The following LIPE variants were observed in gnomAD, a reference collection of about 807,000 sequenced individuals.
The protein encoded by LIPE is hormone-sensitive lipase.
LIPE carries 66 observed loss-of-function variants against 88.5 expected under a neutral mutation model. The observed-to-expected ratio is 0.75, with a 90% CI of 0.61 to 0.91. The LOEUF (loss-of-function observed/expected upper bound fraction) is 0.91, where lower values mean the gene tolerates loss of function less well. LIPE is among the 40% of genes least tolerant of loss of function. LIPE has a pLI of 0.00. For synonymous variants in LIPE, 570 were observed against 617.5 expected, an observed-to-expected ratio of 0.92 and a Z score of 1.14; for missense variants, 1,346 against 1,434.7, an observed-to-expected ratio of 0.94 and a Z score of 1.00.
chr19:42,406,489 G>T lies in LIPE; in HGVS notation c.2138-101C>A. The T allele has an allele frequency of 1.1e-6, 1 of 940,418 alleles. No homozygotes were observed. 58.3% of individuals were successfully genotyped at this position (940,418 alleles called of 1,614,324 possible). Reference sequence around the variant, plus strand: ...AGCTGGGAGAACTGGGCTCTCCAAGGTGGGGTGTGGGGCACTCCAAGGCCT... The same window carrying T: ...AGCTGGGAGAACTGGGCTCTCCAAGTTGGGGTGTGGGGCACTCCAAGGCCT... On this transcript the variant is annotated intron_variant, in intron 6 of 9. Coordinates refer to ENST00000244289, the MANE Select transcript of LIPE (RefSeq NM_005357.4). The surrounding 1 kb of genome is among the most constrained non-coding windows in gnomAD (Gnocchi z 5.7).
intron 8 of LIPE, 54 bp downstream of exon 8, chr19:42,405,331 G>A: frequency 6.4e-7 from 1 of 1,572,070 alleles, no homozygotes; most frequent in Admixed American, 1.7e-5. Flanking sequence ...TGCTGTGCTA[G>A]GCTGTCCCTC....
At chr19:42,413,558 C>G (rs778412825) in intron 1 of LIPE, among the ~76,000 whole-genome samples, 5 of 152,118 alleles carry the variant, frequency 3.3e-5, no homozygotes, top group Admixed American at 3.3e-4. Context: ...CCCAGCTACT[C>G]GGGAGGCGGA....
chr19:42,426,837 G>A lies in LIPE; in HGVS notation c.313C>T (p.Leu105=). The change falls in exon 1 of 10, where the codon CTG becomes TTG. Residue 105 remains leucine, a synonymous_variant. Transcript: ENST00000244289. ...PQQSPYIQRV[L]LTQQEAASQQ... is the part of the protein sequence containing the mutation. ...GAGGCAGCTTCCTGTTGAGTGAGCA[G>A]CACCCTTTGGATGTAAGGTGATTGC... is the stretch of plus-strand genomic sequence containing the variant. 1 of 1,614,180 alleles carries A rather than the reference G, an allele frequency of 6.2e-7. No individual in the cohort carries two copies. The highest frequency in any genetic ancestry group is 8.5e-7 in the Non-Finnish European group (1 of 1,180,028).
At chr19:42,420,065 A>C (rs1324586549) in intron 1 of LIPE, among the ~76,000 whole-genome samples, 1 of 113,300 alleles carries the variant, frequency 8.8e-6, no homozygotes, top group Admixed American at 9.4e-5. Flanking sequence ...TATGTGTTTT[A>C]TGTGAAGTGA....
chr19:42,424,653 G>T (rs750935644), intron 1 of LIPE: 4 of 456,166 alleles, frequency 8.8e-6, no homozygotes, highest in South Asian at 6.2e-5. Flanking sequence ...GGGCGGAGGG[G>T]CCGCCATTGC....
chr19:42,411,408 C>G, intron 1 of LIPE: 3 of 885,110 alleles, frequency 3.4e-6, no homozygotes, highest in Non-Finnish European at 4.1e-6. Context: ...CCAGTTGGTC[C>G]CCATTCTCAG....
Position 42,401,590 on chromosome 19 carries a change from CGCAGCA to C in LIPE, c.*216_*221del. 2.0e-6 allele frequency: 1 copy of C among 512,126 alleles called. No homozygotes were observed. Among genetic ancestry groups the C allele is most frequent in the Non-Finnish European group, 3.4e-6 (1 of 293,828 alleles). The allele number at this position is 512,126 out of a possible 1,614,324, so 31.7% of individuals were successfully genotyped here. A position where few individuals can be genotyped will look rare whatever the true frequency, so the allele number is the denominator to read the frequency against. On this transcript the variant is annotated 3_prime_UTR_variant, in exon 10 of 10. Transcript: ENST00000244289. ...CAGTCCCCGTCCCTGCGGCGGTCGC[CGCAGCA>C]GCAGCAGCAAAAGGCAGCGGTGGCG...
Position 42,402,747 on chromosome 19 carries a change from CGGG to C in LIPE, c.2824_2826del (p.Pro942del). On this transcript the variant is annotated inframe_deletion, in exon 9 of 10. Coordinates refer to ENST00000244289, the MANE Select transcript of LIPE (RefSeq NM_005357.4). ...CTGGAGCGTCGGGGGTGGAAACCCT[CGGG>C]GAAGGCGGCACGGACGCCCAGGCCT... is the stretch of plus-strand genomic sequence containing the variant. The C allele has an allele frequency of 6.4e-7, 1 of 1,574,502 alleles. No homozygotes were observed. Among genetic ancestry groups the C allele is most frequent in the Non-Finnish European group, 8.7e-7 (1 of 1,154,566 alleles).
At chr19:42,413,522 C>T (rs1291921169) in intron 1 of LIPE, among the ~76,000 whole-genome samples, 2 of 152,008 alleles carry the variant, frequency 1.3e-5, no homozygotes, top group Non-Finnish European at 2.9e-5. Context: ...AAAAATTAGC[C>T]GGGCATGGTG....
In LIPE at chr19:42,401,832, C is replaced by T. The variant is rs1349671150; in HGVS notation, c.3211G>A (p.Gly1071Ser). The stretch of plus-strand genomic sequence containing the variant: ...GGCTTTTAGTGTCGCCCCCCGCAGC[C>T]CCCGTCTACCCCCGCAGCCCCCGTC... ...GETGAAGVDG[G>S]CGGRH The change falls in exon 10 of 10, where the codon GGC becomes AGC. Residue 1071 changes from glycine to serine, a missense_variant. Transcript: ENST00000244289. 1.3e-6 allele frequency: 2 copies of T among 1,492,656 alleles called. No individual in the cohort carries two copies. Among genetic ancestry groups the T allele is most frequent in the Non-Finnish European group, 1.8e-6 (2 of 1,124,216 alleles). 92.5% of individuals were successfully genotyped at this position (1,492,656 alleles called of 1,614,324 possible).
Position 42,408,503 on chromosome 19 carries a change from A to C in LIPE, c.1420-181T>G. On this transcript the variant is annotated intron_variant, in intron 2 of 9. Transcript: ENST00000244289. This position sits in a 1 kb window ranked among gnomAD's most constrained non-coding sequence, Gnocchi z 4.3. Reference sequence around the variant, plus strand: ...GACCTGATGTTCTCAAAGGGAAAACAAATGATCAGCAGATAAGCAAAGCCA... The same window carrying C: ...GACCTGATGTTCTCAAAGGGAAAACCAATGATCAGCAGATAAGCAAAGCCA... 1 of 608,366 alleles carries C rather than the reference A, an allele frequency of 1.6e-6. No individual in the cohort carries two copies. The highest frequency in any genetic ancestry group is 2.9e-6 in the Non-Finnish European group (1 of 339,494). The allele number at this position is 608,366 out of a possible 1,614,324, so 37.7% of individuals were successfully genotyped here. A position where few individuals can be genotyped will look rare whatever the true frequency, so the allele number is the denominator to read the frequency against.
In LIPE at chr19:42,426,924, T is replaced by C; in HGVS notation, c.226A>G (p.Arg76Gly). 2 of 1,614,188 alleles carry C rather than the reference T, an allele frequency of 1.2e-6. No homozygotes were observed. The highest frequency in any genetic ancestry group is 8.5e-7 in the Non-Finnish European group (1 of 1,180,034). The change falls in exon 1 of 10, where the codon AGA becomes GGA. Residue 76 changes from arginine (R) to glycine (G), a missense_variant. Transcript: ENST00000244289. ...TGTGAAGCAGATTTTTGTTGGGCTC[T>C]AGGTTCCTTCTGGGATTCAGCATCA... The part of the protein sequence containing the change: ...QHDAESQKEP[R>G]AQQKSASQEE...
intron 8 of LIPE, among the ~76,000 whole-genome samples, chr19:42,405,048 T>G (rs1157740210): frequency 6.6e-6 from 1 of 151,902 alleles, no homozygotes; most frequent in Non-Finnish European, 1.5e-5. Context: ...TTTATTTTTT[T>G]GTAGAGAAGG....
At chr19:42,404,157 C>T (rs1241564481) in intron 8 of LIPE, among the ~76,000 whole-genome samples, 3 of 151,224 alleles carry the variant, frequency 2.0e-5, no homozygotes, top group Admixed American at 6.6e-5. Context: ...CTCTGCCTCC[C>T]GGGTTCAAGC....
chr19:42,426,555 C>G lies in LIPE; in HGVS notation c.595G>C (p.Gly199Arg). ...TPVQGAKSKQ[G>R]SLTELGFLTK... ...AGAAATCCCAGCTCTGTCAAAGATC[C>G]CTGCTTGGATTTGGCTCCCTGGACT... The change falls in exon 1 of 10, where the codon GGA (glycine) becomes CGA (arginine). Residue 199 changes from glycine (G) to arginine (R), a missense_variant. Physicochemically the swap from Gly to Arg is moderately radical, Grantham distance 125. Coordinates refer to ENST00000244289, the MANE Select transcript of LIPE (RefSeq NM_005357.4). The G allele has an allele frequency of 6.2e-7, 1 of 1,614,146 alleles. No individual in the cohort carries two copies. Among genetic ancestry groups the G allele is most frequent in the Non-Finnish European group, 8.5e-7 (1 of 1,180,034 alleles).
intron 9 of LIPE, 55 bp downstream of exon 9, chr19:42,402,552 C>T: frequency 7.1e-7 from 1 of 1,402,902 alleles, no homozygotes; most frequent in Non-Finnish European, 9.4e-7. Flanking sequence ...CCCCTCCTCC[C>T]CGGGTGCCCT....
In LIPE at chr19:42,408,502, C is replaced by A; in HGVS notation, c.1420-180G>T. Reference sequence around the variant, plus strand: ...GGACCTGATGTTCTCAAAGGGAAAACAAATGATCAGCAGATAAGCAAAGCC... The same window carrying A: ...GGACCTGATGTTCTCAAAGGGAAAAAAAATGATCAGCAGATAAGCAAAGCC... On this transcript the variant is annotated intron_variant, in intron 2 of 9. Transcript: ENST00000244289. This position sits in a 1 kb window ranked among gnomAD's most constrained non-coding sequence, Gnocchi z 4.3. 1.7e-6 allele frequency: 1 copy of A among 598,408 alleles called. No individual in the cohort carries two copies. The highest frequency in any genetic ancestry group is 3.0e-6 in the Non-Finnish European group (1 of 333,710). The allele number at this position is 598,408 out of a possible 1,614,324, so 37.1% of individuals were successfully genotyped here. A position where few individuals can be genotyped will look rare whatever the true frequency, so the allele number is the denominator to read the frequency against.
rs1374536898 is a variant in LIPE at position 42,406,125 on chromosome 19, G to T, written c.2365+36C>A. 6.5e-7 allele frequency: 1 copy of T among 1,549,190 alleles called. No individual in the cohort carries two copies. The highest frequency in any genetic ancestry group is 1.4e-5 in the African/African-American group (1 of 73,876). The stretch of plus-strand genomic sequence containing the variant: ...GTCCCTGCAGGAGTCAGACATCCAT[G>T]CAGTCCTGTTTCCCTGCTGAGGGTG... On this transcript the variant is annotated intron_variant, in intron 7 of 9. Transcript: ENST00000244289. The surrounding 1 kb of genome is among the most constrained non-coding windows in gnomAD (Gnocchi z 5.7).
intron 1 of LIPE, among the ~76,000 whole-genome samples, chr19:42,420,731 T>C (rs2040582110): frequency 6.6e-6 from 1 of 152,152 alleles, no homozygotes; most frequent in African/African-American, 2.4e-5. Context: ...GACAGATCTT[T>C]ATATATTTCT....
Sources: allele counts gnomAD v4.1 joint callset (sites outside exome capture counted in the v4.1 genomes callset), GRCh38; gene constraint gnomAD v4.1.1; non-coding constraint Gnocchi (gnomAD v3.1); transcripts MANE v1.5; gene names NCBI Gene and HGNC (gene_info 2026-07-23, HGNC 2026-07-21).